The following NAALADL2 variants were observed in gnomAD, a reference collection of about 807,000 sequenced individuals.
NAALADL2 encodes inactive N-acetylated-alpha-linked acidic dipeptidase-like protein 2.
A neutral mutation model predicts 87.2 loss-of-function variants in NAALADL2; 76 were observed. The ratio of observed to expected loss-of-function variants is 0.87; its 90% CI spans 0.72 to 1.05. NAALADL2 has a LOEUF of 1.05. Ranked by LOEUF, NAALADL2 falls within the 50% of genes least tolerant of loss-of-function variation. The pLI is 0.00. For missense variants in NAALADL2, 1,089 were observed against 945.8 expected (o/e 1.15, Z -1.99); for synonymous variants, 354 against 331.0 (o/e 1.07, Z -0.75).
chr3:174,789,633 C>G (rs1228476587), intron 3 of NAALADL2, among the ~76,000 whole-genome samples: 1 of 152,112 alleles, frequency 6.6e-6, no homozygotes, highest in Non-Finnish European at 1.5e-5. Context: ...TTTAAAACAG[C>G]ACCCAAGGAG....
intron 9 of NAALADL2, among the ~76,000 whole-genome samples, chr3:175,486,906 C>A (rs1311015293): frequency 6.6e-6 from 1 of 152,058 alleles, no homozygotes; most frequent in Non-Finnish European, 1.5e-5. Flanking sequence ...GCAACTGTAT[C>A]TTGCCACCTT....
intron 3 of NAALADL2, among the ~76,000 whole-genome samples, chr3:174,833,950 T>A (rs1421707575): frequency 6.6e-6 from 1 of 150,660 alleles, no homozygotes; most frequent in Admixed American, 6.6e-5. Flanking sequence ...ACATCATACC[T>A]AAGGGTAAAA....
intron 4 of NAALADL2, among the ~76,000 whole-genome samples, chr3:175,294,915 G>C (rs1303805028): frequency 6.6e-6 from 1 of 152,202 alleles, no homozygotes; most frequent in Non-Finnish European, 1.5e-5. Flanking sequence ...CAGTCTACCT[G>C]GGTCAAAGCA....
chr3:174,462,819 T>G (rs1716293583), intron 1 of NAALADL2, among the ~76,000 whole-genome samples: 1 of 152,176 alleles, frequency 6.6e-6, no homozygotes, highest in Admixed American at 6.5e-5. Context: ...AACATTATGG[T>G]TTTAATTGTT....
rs535074134 is a variant in NAALADL2 at position 175,324,069 on chromosome 3, A to T, written c.940-106A>T. 27 of 832,516 alleles carry T rather than the reference A, an allele frequency of 3.2e-5. No homozygotes were observed. The African/African-American group carries it at 4.5e-4, about 14-fold the overall frequency. The allele number at this position is 832,516 out of a possible 1,614,324, so 51.6% of individuals were successfully genotyped here. A position where few individuals can be genotyped will look rare whatever the true frequency, so the allele number is the denominator to read the frequency against. On this transcript the variant is annotated intron_variant, in intron 4 of 13. Transcript: ENST00000454872. ...GAAAAAGAAAAAGAAAAAGAAAAAA[A>T]AACTGGAAAAAGAGTCATCTTATCA...
intron 1 of NAALADL2, among the ~76,000 whole-genome samples, chr3:174,986,279 A>T (rs1427748843): frequency 1.4e-5 from 2 of 147,746 alleles, no homozygotes; most frequent in Non-Finnish European, 3.0e-5. Context: ...ATATATATAA[A>T]ATATATACAC....
At chr3:174,775,787 G>A (rs1281763640) in intron 3 of NAALADL2, among the ~76,000 whole-genome samples, 1 of 152,060 alleles carries the variant, frequency 6.6e-6, no homozygotes, top group Non-Finnish European at 1.5e-5. Flanking sequence ...TGATAATAAG[G>A]TGACCTCAGC....
chr3:175,452,251 CTA>C, intron 6 of NAALADL2, among the ~76,000 whole-genome samples: 1 of 151,888 alleles, frequency 6.6e-6, no homozygotes, highest in East Asian at 1.9e-4. Flanking sequence ...CTCTCTCTTG[CTA>C]TGTCTTTCTC....
chr3:174,989,267 T>C (rs1746391725), intron 1 of NAALADL2, among the ~76,000 whole-genome samples: 1 of 152,070 alleles, frequency 6.6e-6, no homozygotes. Context: ...ATCCAAACAA[T>C]AGCAGTCACA....
At chr3:175,446,588 CT>C (rs1330323475) in intron 5 of NAALADL2, among the ~76,000 whole-genome samples, 2 of 152,152 alleles carry the variant, frequency 1.3e-5, no homozygotes, top group Non-Finnish European at 2.9e-5. Flanking sequence ...TATTTGGTGT[CT>C]CCCTGTTCAC....
At chr3:175,138,828 GTGGTACA>G (rs1729531512) in intron 2 of NAALADL2, among the ~76,000 whole-genome samples, 1 of 144,050 alleles carries the variant, frequency 6.9e-6, no homozygotes, top group African/African-American at 2.6e-5. Flanking sequence ...TTTTAGATCT[GTGGTACA>G]TGGGCAGATG....
chr3:174,449,333 C>CA (rs978314704), intron 1 of NAALADL2, among the ~76,000 whole-genome samples: 2 of 152,004 alleles, frequency 1.3e-5, no homozygotes, highest in African/African-American at 4.8e-5. Context: ...GAAGAAAAAA[C>CA]AAAAAACATT....
At chr3:175,057,617 G>A (rs1712497236) in intron 1 of NAALADL2, among the ~76,000 whole-genome samples, 1 of 152,152 alleles carries the variant, frequency 6.6e-6, no homozygotes, top group Non-Finnish European at 1.5e-5. Flanking sequence ...AACTCTTGCT[G>A]TTTAATTAGG....
At chr3:175,158,041 G>A (rs565123873) in intron 2 of NAALADL2, among the ~76,000 whole-genome samples, 51 of 152,102 alleles carry the variant, frequency 3.4e-4, no homozygotes, top group East Asian at 1.5e-3. Flanking sequence ...CTTTGTAGAC[G>A]AAACATATTC....
At chr3:175,338,758 A>G (rs958267801) in intron 5 of NAALADL2, among the ~76,000 whole-genome samples, 1 of 152,132 alleles carries the variant, frequency 6.6e-6, no homozygotes. Context: ...CAGGAGTGCA[A>G]GAGTTCCTTG....
chr3:174,861,859 G>A (rs1726545697), intron 1 of NAALADL2, among the ~76,000 whole-genome samples: 1 of 151,704 alleles, frequency 6.6e-6, no homozygotes, highest in African/African-American at 2.4e-5. Context: ...GAGCCCATAT[G>A]CCATTAACAT....
intron 1 of NAALADL2, among the ~76,000 whole-genome samples, chr3:175,056,060 G>A (rs1394485549): frequency 6.6e-6 from 1 of 152,102 alleles, no homozygotes; most frequent in Non-Finnish European, 1.5e-5. Flanking sequence ...GAATAGAACT[G>A]AGAGTGGTCG....
At chr3:174,455,421 C>A (rs191040354) in intron 1 of NAALADL2, among the ~76,000 whole-genome samples, 29 of 152,218 alleles carry the variant, frequency 1.9e-4, no homozygotes, top group Admixed American at 1.8e-3. Flanking sequence ...GGCAGAGACA[C>A]ACACAGAAAA....
chr3:175,779,656 A>T (rs1750742476), intron 13 of NAALADL2, among the ~76,000 whole-genome samples: 1 of 152,176 alleles, frequency 6.6e-6, no homozygotes, highest in South Asian at 2.1e-4. Context: ...GCAAATTAAG[A>T]TTTGGGAATA....
Sources: allele counts gnomAD v4.1 joint callset (sites outside exome capture counted in the v4.1 genomes callset), GRCh38; gene constraint gnomAD v4.1.1; transcripts MANE v1.5; gene names NCBI Gene and HGNC (gene_info 2026-07-23, HGNC 2026-07-21).